Variants in NDC1 observed in about 807,000 individuals in gnomAD.
The protein encoded by NDC1 is NDC1 transmembrane nucleoporin, also known as nucleoporin NDC1.
A neutral mutation model predicts 89.8 loss-of-function variants in NDC1; 24 were observed. The observed-to-expected ratio is 0.27, with a 90% confidence interval of 0.19 to 0.38. The LOEUF is 0.38. Ranked by LOEUF, NDC1 falls within the 10% of genes least tolerant of loss-of-function variation. The pLI is 1.00. For synonymous variants in NDC1, 296 were observed against 284.8 expected, an observed-to-expected ratio of 1.04 and a Z score of -0.39; for missense variants, 728 against 797.6, an observed-to-expected ratio of 0.91 and a Z score of 1.05.
chr1:53,793,537 T>TA (rs936091992), intron 13 of NDC1, among the ~76,000 whole-genome samples: 9 of 151,796 alleles, frequency 5.9e-5, no homozygotes, highest in South Asian at 2.1e-4. Context: ...AGCCCTGACA[T>TA]AAAAAAAAAT....
intron 9 of NDC1, among the ~76,000 whole-genome samples, chr1:53,804,302 C>T (rs1648029703): frequency 6.6e-6 from 1 of 152,112 alleles, no homozygotes; most frequent in Non-Finnish European, 1.5e-5. Context: ...CCTGGTTTCC[C>T]TCACACAAAC....
At chr1:53,770,671 T>C (rs1296973553) in intron 17 of NDC1, among the ~76,000 whole-genome samples, 1 of 152,064 alleles carries the variant, frequency 6.6e-6, no homozygotes, top group Non-Finnish European at 1.5e-5. Flanking sequence ...TTTTTTTTCT[T>C]TGAGACCGAG....
chr1:53,801,929 G>A (rs1407538673), intron 10 of NDC1, among the ~76,000 whole-genome samples: 1 of 152,098 alleles, frequency 6.6e-6, no homozygotes, highest in Non-Finnish European at 1.5e-5. Context: ...GCTAATTTTT[G>A]TATTTTTAGT....
In NDC1 at chr1:53,766,158, A is replaced by T. The variant is rs1647064058; in HGVS notation, c.*1812T>A. 6.9e-6 allele frequency: 1 copy of T among 145,060 alleles called. No homozygotes were observed. The highest frequency in any genetic ancestry group is 1.5e-5 in the Non-Finnish European group (1 of 66,420). The allele number at this position is 145,060 out of a possible 1,614,324, so 9.0% of individuals were successfully genotyped here. ...TCAAATGTAGCTTTACCCAAAGTAT[A>T]TAGGAAATGGCAAAAACCTAACCTA... On this transcript the variant is annotated 3_prime_UTR_variant, in exon 18 of 18. Transcript: ENST00000371429.
intron 7 of NDC1, among the ~76,000 whole-genome samples, chr1:53,808,183 T>C (rs971991078): frequency 6.6e-6 from 1 of 152,238 alleles, no homozygotes. Context: ...AGCTTTATCC[T>C]TATGCCCTAT....
chr1:53,768,328 C>T (rs774555738), intron 17 of NDC1, among the ~76,000 whole-genome samples: 1 of 152,158 alleles, frequency 6.6e-6, no homozygotes. Flanking sequence ...GAGTTCCAGG[C>T]CTTGGAGTAG....
chr1:53,765,562 T>C lies in NDC1; in HGVS notation c.*2408A>G, dbSNP rs1647058706. The C allele has an allele frequency of 6.6e-6, 1 of 152,208 alleles. No homozygotes were observed. The highest frequency in any genetic ancestry group is 1.5e-5 in the Non-Finnish European group (1 of 68,044). 9.4% of individuals were successfully genotyped at this position (152,208 alleles called of 1,614,324 possible). ...ATATAAACAGACTATCATGAATATTTACAGGATGACACACCAAACAATTAC... is the reference window on the plus strand; with the variant it reads ...ATATAAACAGACTATCATGAATATTCACAGGATGACACACCAAACAATTAC... On this transcript the variant is annotated 3_prime_UTR_variant, in exon 18 of 18. Coordinates refer to ENST00000371429, the MANE Select transcript of NDC1 (RefSeq NM_018087.5).
Position 53,789,185 on chromosome 1 carries a change from G to A in NDC1, c.1647C>T (p.Ala549=). Residue 549 remains alanine (A), a synonymous_variant, in exon 15 of 18, where the codon GCC becomes GCT. Transcript: ENST00000371429. ...IMYFFSKHPE[A]SIQAVFSDAQ... ...CATCTGAAAAAACAGCCTGAATGGA[G>A]GCCTCTGGGTGCTACAAATAAAAAC... The A allele has an allele frequency of 1.2e-6, 2 of 1,609,512 alleles. No homozygotes were observed. The highest frequency in any genetic ancestry group is 2.2e-5 in the South Asian group (2 of 90,460).
rs1039574659 is a variant in NDC1 at position 53,792,083 on chromosome 1, C to T, written c.1635+1146G>A. ...TCAGCCTCCCGAGTAGCTGGGACCACAGGCGCCCACCACTGCGCCTGGCTA... is the reference window on the plus strand; with the variant it reads ...TCAGCCTCCCGAGTAGCTGGGACCATAGGCGCCCACCACTGCGCCTGGCTA... On this transcript the variant is annotated intron_variant, in intron 14 of 17. Coordinates refer to ENST00000371429, the MANE Select transcript of NDC1 (RefSeq NM_018087.5). 2.0e-5 allele frequency among the ~76,000 whole-genome samples: 3 copies of T among 152,138 alleles called. No individual in the cohort carries two copies. In the East Asian group the frequency reaches 5.8e-4, roughly 29 times the overall value.
At position 53,787,199 on chromosome 1, in the gene NDC1, T is replaced by C; in HGVS notation, c.1759A>G (p.Thr587Ala). 6.2e-7 allele frequency: 1 copy of C among 1,610,972 alleles called. No homozygotes were observed. The highest frequency in any genetic ancestry group is 8.5e-7 in the Non-Finnish European group (1 of 1,178,910). ...TEDRFGVVQT[T>A]LPAILNTLLT... ...AAAGTATTAAGGATAGCTGGTAGTG[T>C]CGTCTGGACAACTCCAAATCTATCC... Residue 587 changes from threonine to alanine, a missense_variant, in exon 16 of 18, where the codon ACA (threonine) becomes GCA (alanine). Coordinates refer to ENST00000371429, the MANE Select transcript of NDC1 (RefSeq NM_018087.5).
chr1:53,809,824 A>C, intron 6 of NDC1, 78 bp from the exon 7 acceptor site: 26 of 1,047,726 alleles, frequency 2.5e-5, no homozygotes, highest in Non-Finnish European at 3.7e-5. Context: ...ATATAAGGTC[A>C]ATGACATGGC....
intron 5 of NDC1, 85 bp downstream of exon 5, chr1:53,825,713 A>G (rs990003747): frequency 1.8e-6 from 2 of 1,083,944 alleles, no homozygotes; most frequent in Non-Finnish European, 1.3e-6. Context: ...TGAATGAATC[A>G]GATAAATCCA....
At chr1:53,838,144 T>G in intron 1 of NDC1, 61 bp downstream of exon 1, 1 of 1,483,268 alleles carries the variant, frequency 6.7e-7, no homozygotes, top group South Asian at 1.2e-5. Context: ...GCACGCGCGA[T>G]CAGAGCTTGC....
intron 5 of NDC1, among the ~76,000 whole-genome samples, chr1:53,825,121 C>G (rs1046958467): frequency 2.0e-5 from 3 of 151,826 alleles, no homozygotes; most frequent in African/African-American, 4.8e-5. Flanking sequence ...TGCAGTGAAC[C>G]GTGACCACGC....
intron 3 of NDC1, among the ~76,000 whole-genome samples, chr1:53,831,181 C>T (rs1018682850): frequency 6.6e-6 from 1 of 151,436 alleles, no homozygotes; most frequent in Non-Finnish European, 1.5e-5. Context: ...GCCGAAATCG[C>T]GCCACTGCAC....
rs138352768 is a variant in NDC1, at chr1:53,766,622, T to A, written c.*1348A>T. On this transcript the variant is annotated 3_prime_UTR_variant, in exon 18 of 18. Transcript: ENST00000371429. ...CACCTATTTATAATTTGGCATGTAC[T>A]GCTTGAAGGGGCAACAGGACCCGGA... The A allele has an allele frequency of 6.6e-6, 1 of 152,356 alleles. No individual in the cohort carries two copies. Among genetic ancestry groups the A allele is most frequent in the East Asian group, 1.9e-4 (1 of 5,190 alleles). The allele number at this position is 152,356 out of a possible 1,614,324, so 9.4% of individuals were successfully genotyped here.
chr1:53,827,772 G>C (rs1253750860), intron 4 of NDC1, among the ~76,000 whole-genome samples: 1 of 152,096 alleles, frequency 6.6e-6, no homozygotes, highest in African/African-American at 2.4e-5. Flanking sequence ...AGAGCTTATA[G>C]TCTATGTTTG....
chr1:53,782,592 T>C (rs1647221841), intron 16 of NDC1, among the ~76,000 whole-genome samples: 1 of 152,224 alleles, frequency 6.6e-6, no homozygotes, highest in African/African-American at 2.4e-5. Flanking sequence ...AGCAAGGACA[T>C]GAAACGGCTG....
At chr1:53,790,445 G>A (rs889932198) in intron 14 of NDC1, among the ~76,000 whole-genome samples, 2 of 151,668 alleles carry the variant, frequency 1.3e-5, no homozygotes, top group East Asian at 3.9e-4. Context: ...GGTGGCTCAC[G>A]CTGGTAATCC....
Sources: allele counts gnomAD v4.1 joint callset (sites outside exome capture counted in the v4.1 genomes callset), GRCh38; gene constraint gnomAD v4.1.1; transcripts MANE v1.5; gene names NCBI Gene and HGNC (gene_info 2026-07-23, HGNC 2026-07-21).